The following SH3BP5 variants were observed in gnomAD, a reference collection of about 807,000 sequenced individuals.
SH3BP5 encodes the protein SH3 domain binding protein 5.
SH3BP5 carries 22 observed loss-of-function variants against 43.3 expected under a neutral mutation model. The ratio of observed to expected loss-of-function variants is 0.51; its 90% CI spans 0.36 to 0.73. The LOEUF is 0.73. SH3BP5 is among the 30% of genes least tolerant of loss of function. The pLI, the probability that SH3BP5 is intolerant of heterozygous loss-of-function variation, is 0.00. For synonymous variants in SH3BP5, 255 were observed against 225.8 expected (o/e 1.13, Z -1.16); for missense variants, 529 against 586.9 (o/e 0.90, Z 1.02).
intron 3 of SH3BP5, among the ~76,000 whole-genome samples, chr3:15,281,485 G>A (rs371085849): frequency 3.9e-5 from 6 of 152,058 alleles, no homozygotes; most frequent in East Asian, 3.9e-4. Flanking sequence ...CTGATCTCCC[G>A]ACTCCTACCT....
chr3:15,258,414 A>C (rs1696304180), intron 7 of SH3BP5: 1 of 220,054 alleles, frequency 4.5e-6, no homozygotes, highest in Non-Finnish European at 9.1e-6. Flanking sequence ...TATACAGTAG[A>C]TAGCGTCATA....
At position 15,332,271 on chromosome 3, in the gene SH3BP5, C is replaced by G. The variant is rs1462536082; in HGVS notation, c.138G>C (p.Gln46His). ...TGCGGGGCGACCCCGCGCGCCCTACCTGGATCCGGGGATCCACCTCTTCTT... is the reference window on the plus strand; with the variant it reads ...TGCGGGGCGACCCCGCGCGCCCTACGTGGATCCGGGGATCCACCTCTTCTT... The part of the protein sequence containing the change: ...EEEEEVDPRI[Q>H]GELEKLNQST... The change falls in exon 1 of 9, where the codon CAG (glutamine) becomes CAC (histidine). Residue 46 changes from glutamine to histidine, a missense_variant and splice_region_variant. By Grantham distance (24) the Gln-to-His change is conservative. Transcript: ENST00000383791. 6.4e-7 allele frequency: 1 copy of G among 1,551,122 alleles called. No homozygotes were observed. The highest frequency in any genetic ancestry group is 8.7e-7 in the Non-Finnish European group (1 of 1,150,434).
chr3:15,294,330 T>TGTGTGTGCGCGC (rs565464561), intron 3 of SH3BP5, among the ~76,000 whole-genome samples: 19 of 121,572 alleles, frequency 1.6e-4, no homozygotes, highest in African/African-American at 7.5e-4. Flanking sequence ...TGTGTGTGTG[T>TGTGTGTGCGCGC]GCGCGCGCAT....
At chr3:15,265,512 T>TCACACACACCACACA (rs1696604701) in intron 4 of SH3BP5, among the ~76,000 whole-genome samples, 1 of 107,934 alleles carries the variant, frequency 9.3e-6, no homozygotes, top group African/African-American at 4.2e-5. Context: ...CGAGACTCCG[T>TCACACACACCACACA]CACACACACA....
At chr3:15,276,474 A>G (rs946482706) in intron 3 of SH3BP5, among the ~76,000 whole-genome samples, 7 of 152,228 alleles carry the variant, frequency 4.6e-5, no homozygotes, top group African/African-American at 1.7e-4. Context: ...TCATTAACAC[A>G]GTCACCAGAC....
intron 3 of SH3BP5, among the ~76,000 whole-genome samples, chr3:15,283,182 G>A (rs1473433587): frequency 1.3e-5 from 2 of 152,196 alleles, no homozygotes; most frequent in Non-Finnish European, 1.5e-5. Context: ...TGGATCACAT[G>A]AGGCCAGAAG....
At chr3:15,308,849 G>A (rs950402322) in intron 2 of SH3BP5, among the ~76,000 whole-genome samples, 1 of 152,002 alleles carries the variant, frequency 6.6e-6, no homozygotes, top group Non-Finnish European at 1.5e-5. Flanking sequence ...TCTATGTGAT[G>A]GGTTTTCTTC....
In SH3BP5 at chr3:15,300,016, C is replaced by G. The variant is rs183315333; in HGVS notation, c.330+4087G>C. Among the ~76,000 whole-genome samples the G allele has an allele frequency of 9.2e-5, 14 of 152,234 alleles. No homozygotes were observed. In the East Asian group the frequency reaches 2.7e-3, roughly 29 times the overall value. ...TGAGTACCTGATGCTCCATCACCCCCCCAAATACTTTTTGTAGTTGTTATT... is the reference window on the plus strand; with the variant it reads ...TGAGTACCTGATGCTCCATCACCCCGCCAAATACTTTTTGTAGTTGTTATT... On this transcript the variant is annotated intron_variant, in intron 3 of 8. Transcript: ENST00000383791.
At chr3:15,277,084 G>T (rs1478362651) in intron 3 of SH3BP5, among the ~76,000 whole-genome samples, 4 of 152,038 alleles carry the variant, frequency 2.6e-5, no homozygotes, top group African/African-American at 7.3e-5. Context: ...CCAAGTAGCT[G>T]GGATTACAGG....
At chr3:15,314,240 T>G (rs2125125033) in intron 2 of SH3BP5, among the ~76,000 whole-genome samples, 1 of 152,088 alleles carries the variant, frequency 6.6e-6, no homozygotes, top group South Asian at 2.1e-4. Context: ...TCAAAAGACT[T>G]AATGATAATT....
intron 5 of SH3BP5, 160 bp from the exon 6 acceptor site, chr3:15,259,963 G>T: frequency 1.5e-6 from 1 of 669,918 alleles, no homozygotes. Context: ...GATGCTCCTA[G>T]CTCTGGAGAC....
At position 15,321,735 on chromosome 3, in the gene SH3BP5, C is replaced by T. The variant is rs112801092; in HGVS notation, c.201+8769G>A. On this transcript the variant is annotated intron_variant, in intron 2 of 8. Coordinates refer to ENST00000383791, the MANE Select transcript of SH3BP5 (RefSeq NM_004844.5). ...ATGGATCTTCTCCCATCCAATCCAC[C>T]GTAAATCAATATTTCTGTAGAATAA... 8.2e-4 allele frequency among the ~76,000 whole-genome samples: 123 copies of T among 150,906 alleles called. 1 individual carries two copies. Among genetic ancestry groups the T allele is most frequent in the African/African-American group, 2.5e-3 (102 of 40,980 alleles).
At chr3:15,257,194 A>G in intron 7 of SH3BP5, 81 bp from the exon 8 acceptor site, 1 of 1,427,550 alleles carries the variant, frequency 7.0e-7, no homozygotes, top group Non-Finnish European at 9.7e-7. Context: ...GCAGGCAGCT[A>G]GACACAGCAT....
chr3:15,297,889 G>A (rs1187153961), intron 3 of SH3BP5, among the ~76,000 whole-genome samples: 2 of 151,906 alleles, frequency 1.3e-5, no homozygotes, highest in Non-Finnish European at 2.9e-5. Context: ...ACAAAACCAT[G>A]AGCTAAATAA....
At chr3:15,264,124 TA>T (rs1394568630) in intron 4 of SH3BP5, among the ~76,000 whole-genome samples, 2 of 152,218 alleles carry the variant, frequency 1.3e-5, no homozygotes, top group Non-Finnish European at 2.9e-5. Flanking sequence ...TAAGGATTTT[TA>T]AAGGTACCAT....
At chr3:15,265,072 A>G (rs568554967) in intron 4 of SH3BP5, among the ~76,000 whole-genome samples, 353 of 152,068 alleles carry the variant, frequency 2.3e-3, no homozygotes, top group African/African-American at 7.0e-3. Context: ...GCTTTCTACA[A>G]TAAAACACTT....
intron 3 of SH3BP5, among the ~76,000 whole-genome samples, chr3:15,290,196 C>T (rs571501527): frequency 1.7e-4 from 26 of 151,980 alleles, no homozygotes; most frequent in South Asian, 1.7e-3. Flanking sequence ...AGTTTGAGAC[C>T]AGCCTGGCCA....
intron 3 of SH3BP5, 50 bp from the exon 4 acceptor site, chr3:15,269,927 C>T: frequency 7.0e-6 from 10 of 1,434,396 alleles, no homozygotes; most frequent in Non-Finnish European, 8.4e-6. Flanking sequence ...CAGGGGCTCC[C>T]CATGGTCCAT....
chr3:15,306,954 T>A (rs889640782), intron 2 of SH3BP5, among the ~76,000 whole-genome samples: 3 of 152,154 alleles, frequency 2.0e-5, no homozygotes, highest in African/African-American at 4.8e-5. Flanking sequence ...ATTACAGGTG[T>A]GAGCCACGGC....
Sources: allele counts gnomAD v4.1 joint callset (sites outside exome capture counted in the v4.1 genomes callset), GRCh38; gene constraint gnomAD v4.1.1; transcripts MANE v1.5; gene names NCBI Gene and HGNC (gene_info 2026-07-23, HGNC 2026-07-21).